ARHGAP15: variants seen among roughly 807,000 people sequenced by gnomAD.
The protein encoded by ARHGAP15 is rho GTPase-activating protein 15.
In ARHGAP15, 51 loss-of-function variants were observed where a neutral mutation model predicts 63.7. The ratio of observed to expected loss-of-function variants is 0.80; its 90% CI spans 0.64 to 1.01. The LOEUF (loss-of-function observed/expected upper bound fraction) is 1.01, where lower values mean the gene tolerates loss of function less well. ARHGAP15 is among the 50% of genes least tolerant of loss of function. ARHGAP15 has a pLI of 0.00. For synonymous variants in ARHGAP15, 191 were observed against 193.8 expected (o/e 0.99, Z 0.12); for missense variants, 560 against 564.6 (o/e 0.99, Z 0.08).
At chr2:143,709,260 G>T (rs895965438) in intron 13 of ARHGAP15, among the ~76,000 whole-genome samples, 1 of 152,122 alleles carries the variant, frequency 6.6e-6, no homozygotes, top group Non-Finnish European at 1.5e-5. Flanking sequence ...TGTGAGGGGG[G>T]TGTAAGGACT....
intron 9 of ARHGAP15, among the ~76,000 whole-genome samples, chr2:143,508,554 G>T (rs1357485208): frequency 6.6e-6 from 1 of 152,190 alleles, no homozygotes; most frequent in African/African-American, 2.4e-5. Flanking sequence ...ATCCAAAAAT[G>T]CATAAAGGAT....
chr2:143,375,934 A>G (rs926437873), intron 6 of ARHGAP15, among the ~76,000 whole-genome samples: 5 of 152,230 alleles, frequency 3.3e-5, no homozygotes, highest in Non-Finnish European at 7.3e-5. Context: ...TTTAAAGAAA[A>G]AGTAGAAAAT....
chr2:143,766,085 T>A (rs918042213), intron 13 of ARHGAP15, among the ~76,000 whole-genome samples: 1 of 152,028 alleles, frequency 6.6e-6, no homozygotes, highest in East Asian at 1.9e-4. Flanking sequence ...TTTCAAGAGA[T>A]GGACGGCATG....
At chr2:143,441,906 G>A (rs1479347070) in intron 8 of ARHGAP15, among the ~76,000 whole-genome samples, 1 of 152,112 alleles carries the variant, frequency 6.6e-6, no homozygotes, top group Non-Finnish European at 1.5e-5. Flanking sequence ...AATGACATGT[G>A]CAATAAGGGT....
chr2:143,172,696 A>T (rs911081551), intron 2 of ARHGAP15, among the ~76,000 whole-genome samples: 2 of 152,078 alleles, frequency 1.3e-5, no homozygotes, highest in Non-Finnish European at 2.9e-5. Flanking sequence ...CTGAGACAGG[A>T]AGAACCAAAT....
intron 6 of ARHGAP15, among the ~76,000 whole-genome samples, chr2:143,333,803 A>AAG (rs1684653397): frequency 1.3e-5 from 2 of 152,230 alleles, no homozygotes; most frequent in South Asian, 4.1e-4. Flanking sequence ...AAACAGGAAA[A>AAG]AGATGGATAC....
At chr2:143,152,528 C>T (rs1689867266) in intron 1 of ARHGAP15, among the ~76,000 whole-genome samples, 1 of 151,994 alleles carries the variant, frequency 6.6e-6, no homozygotes, top group East Asian at 1.9e-4. Context: ...CTCTGGGGCA[C>T]TTGATAAAGA....
At chr2:143,575,856 C>T (rs1182090552) in intron 11 of ARHGAP15, among the ~76,000 whole-genome samples, 6 of 152,110 alleles carry the variant, frequency 3.9e-5, no homozygotes, top group South Asian at 2.1e-4. Flanking sequence ...GAGATGATAC[C>T]GTTCTAATAG....
At chr2:143,481,287 G>A (rs1328167535) in intron 8 of ARHGAP15, among the ~76,000 whole-genome samples, 4 of 151,944 alleles carry the variant, frequency 2.6e-5, no homozygotes, top group African/African-American at 4.8e-5. Flanking sequence ...AAACCTCACC[G>A]ATAAAGTGAG....
chr2:143,753,052 G>A (rs1260559167), intron 13 of ARHGAP15, among the ~76,000 whole-genome samples: 1 of 152,188 alleles, frequency 6.6e-6, no homozygotes, highest in Non-Finnish European at 1.5e-5. Flanking sequence ...GGTCGAGGCG[G>A]GAAGATCGCT....
At chr2:143,495,579 A>G (rs1212175293) in intron 9 of ARHGAP15, among the ~76,000 whole-genome samples, 1 of 152,230 alleles carries the variant, frequency 6.6e-6, no homozygotes, top group Non-Finnish European at 1.5e-5. Flanking sequence ...AATGTCTTTG[A>G]AAAATTATAG....
At chr2:143,202,241 C>A in intron 3 of ARHGAP15, 39 bp downstream of exon 3, 2 of 1,523,300 alleles carry the variant, frequency 1.3e-6, no homozygotes, top group Non-Finnish European at 1.8e-6. Context: ...TCTACTGATA[C>A]AAAATAAATT....
At chr2:143,540,289 G>T (rs1694986356) in intron 10 of ARHGAP15, among the ~76,000 whole-genome samples, 3 of 152,144 alleles carry the variant, frequency 2.0e-5, no homozygotes, top group African/African-American at 7.2e-5. Flanking sequence ...CACGTGATGG[G>T]TTTCCTGAAT....
At chr2:143,428,133 G>A (rs906391535) in intron 6 of ARHGAP15, among the ~76,000 whole-genome samples, 32 of 151,982 alleles carry the variant, frequency 2.1e-4, no homozygotes, top group Non-Finnish European at 4.4e-4. Context: ...GAGCGCACTT[G>A]GGGGAATATC....
At chr2:143,136,009 G>T (rs976523471) in intron 1 of ARHGAP15, among the ~76,000 whole-genome samples, 1 of 152,088 alleles carries the variant, frequency 6.6e-6, no homozygotes, top group Admixed American at 6.5e-5. Flanking sequence ...ACATCAAAGT[G>T]AGTATACAGT....
intron 2 of ARHGAP15, among the ~76,000 whole-genome samples, chr2:143,169,509 G>A (rs1161189889): frequency 6.6e-6 from 1 of 152,080 alleles, no homozygotes; most frequent in Admixed American, 6.6e-5. Context: ...TCCTAGGTAG[G>A]AAGAAGCTTT....
At chr2:143,473,884 C>A (rs1031534769) in intron 8 of ARHGAP15, among the ~76,000 whole-genome samples, 1 of 152,068 alleles carries the variant, frequency 6.6e-6, no homozygotes, top group South Asian at 2.1e-4. Context: ...CTTTTGGAGG[C>A]CTTTAAAACC....
chr2:143,181,610 G>C (rs1691237326), intron 2 of ARHGAP15, among the ~76,000 whole-genome samples: 1 of 152,168 alleles, frequency 6.6e-6, no homozygotes. Flanking sequence ...ACTAACCTCT[G>C]CTGCCTTCAG....
intron 6 of ARHGAP15, among the ~76,000 whole-genome samples, chr2:143,295,859 C>CA (rs1057363606): frequency 6.6e-6 from 1 of 151,922 alleles, no homozygotes; most frequent in Admixed American, 6.6e-5. Context: ...CGTATGTAGG[C>CA]ACAGGAAAAT....
Sources: gnomAD v4.1 joint callset for allele counts (sites outside exome capture counted in the v4.1 genomes callset) on GRCh38, gnomAD v4.1.1 for gene constraint, MANE v1.5 for transcripts, NCBI Gene and HGNC (gene_info 2026-07-23, HGNC 2026-07-21) for gene names.